The following CCDC91 variants were observed in gnomAD, a reference collection of about 807,000 sequenced individuals.
CCDC91 encodes the protein coiled-coil domain containing 91.
A neutral mutation model predicts 63.2 loss-of-function variants in CCDC91; 48 were observed. The ratio of observed to expected loss-of-function variants is 0.76; its 90% confidence interval spans 0.60 to 0.97. The LOEUF (loss-of-function observed/expected upper bound fraction) is 0.97, where lower values mean the gene tolerates loss of function less well. CCDC91 is among the 50% of genes least tolerant of loss of function. The probability of loss-of-function intolerance (pLI) is 0.00; values close to 1 mark genes in which losing one functional copy is unlikely to be tolerated. For missense variants in CCDC91, 500 were observed against 494.6 expected, an observed-to-expected ratio of 1.01 and a Z score of -0.10; for synonymous variants, 167 against 165.8, an observed-to-expected ratio of 1.01 and a Z score of -0.06.
intron 1 of CCDC91, among the ~76,000 whole-genome samples, chr12:28,205,894 C>T: frequency 6.6e-6 from 1 of 152,186 alleles, no homozygotes; most frequent in East Asian, 1.9e-4. Flanking sequence ...CCCTTTTGCT[C>T]ATTTTCTCAA....
Position 28,241,974 on chromosome 12 carries a change from C to T in CCDC91, c.-14-15228C>T, listed in dbSNP as rs1159356900. Among the ~76,000 whole-genome samples, 9 of 124,722 alleles carry T rather than the reference C, an allele frequency of 7.2e-5. 1 individual carries two copies. The highest frequency in any genetic ancestry group is 2.5e-4 in the South Asian group (1 of 3,976). 81.8% of individuals were successfully genotyped at this position (124,722 alleles called of 152,430 possible). ...TAGCGCCATTACACTCCAGCGTGGGCGACAGACCGAGACTCCTTCTCAAAA... is the reference window on the plus strand; with the variant it reads ...TAGCGCCATTACACTCCAGCGTGGGTGACAGACCGAGACTCCTTCTCAAAA... On this transcript the variant is annotated intron_variant, in intron 1 of 12. Coordinates refer to ENST00000536442, the MANE Select transcript of CCDC91 (RefSeq NM_018318.5).
chr12:28,456,647 A>G (rs1475787936), intron 11 of CCDC91, among the ~76,000 whole-genome samples: 1 of 152,184 alleles, frequency 6.6e-6, no homozygotes, highest in Non-Finnish European at 1.5e-5. Flanking sequence ...TGATTTTTAA[A>G]AAACAAATGA....
At chr12:28,430,519 AC>A (rs747135136) in intron 8 of CCDC91, among the ~76,000 whole-genome samples, 1 of 152,158 alleles carries the variant, frequency 6.6e-6, no homozygotes, top group Non-Finnish European at 1.5e-5. Context: ...GAAATTACAT[AC>A]TGTATATATT....
rs1947068841 is a variant in CCDC91, at chr12:28,264,626, G to T, written c.109+5184G>T. 8.7e-5 allele frequency among the ~76,000 whole-genome samples: 4 copies of T among 46,130 alleles called. No homozygotes were observed. The South Asian group carries it at 2.0e-3, about 23-fold the overall frequency. 30.3% of individuals were successfully genotyped at this position (46,130 alleles called of 152,430 possible). A position where few individuals can be genotyped will look rare whatever the true frequency, so the allele number is the denominator to read the frequency against. ...GTGTGTGTGTGTGTGTGTGTATTCT[G>T]ATTTCTTCCTTTTCCCCCTCCAATG... On this transcript the variant is annotated intron_variant, in intron 3 of 12. Transcript: ENST00000536442.
chr12:28,357,254 C>T (rs1165929481), intron 6 of CCDC91, among the ~76,000 whole-genome samples: 2 of 152,064 alleles, frequency 1.3e-5, no homozygotes, highest in Non-Finnish European at 2.9e-5. Flanking sequence ...GAATACTCAT[C>T]ATGTCCAGGC....
At chr12:28,262,083 G>A (rs552215815) in intron 3 of CCDC91, among the ~76,000 whole-genome samples, 1 of 152,096 alleles carries the variant, frequency 6.6e-6, no homozygotes, top group Admixed American at 6.6e-5. Context: ...AAGTTGTTTA[G>A]GTGAGTGTGA....
In CCDC91 at chr12:28,442,128, G is replaced by A. The variant is rs1453617896; in HGVS notation, c.763-8033G>A. Among the ~76,000 whole-genome samples the A allele has an allele frequency of 3.3e-5, 5 of 152,058 alleles. No homozygotes were observed. The East Asian group carries it at 9.6e-4, about 29-fold the overall frequency. Reference sequence around the variant, plus strand: ...ATGTTCAAAGCATTCTGCAGTAAATGTTTAAGTGTGAAAAGACCAACCACA... The same window carrying A: ...ATGTTCAAAGCATTCTGCAGTAAATATTTAAGTGTGAAAAGACCAACCACA... On this transcript the variant is annotated intron_variant, in intron 8 of 12. Coordinates refer to ENST00000536442, the MANE Select transcript of CCDC91 (RefSeq NM_018318.5).
At chr12:28,536,014 G>A (rs1161224796) in intron 12 of CCDC91, among the ~76,000 whole-genome samples, 4 of 149,762 alleles carry the variant, frequency 2.7e-5, no homozygotes, top group African/African-American at 9.9e-5. Context: ...GGGTGACAGG[G>A]CAAGACTCCA....
chr12:28,207,879 T>C (rs1391163082), intron 1 of CCDC91, among the ~76,000 whole-genome samples: 1 of 152,220 alleles, frequency 6.6e-6, no homozygotes, highest in Non-Finnish European at 1.5e-5. Context: ...ATTAGGTGCA[T>C]AGCACTGATA....
At chr12:28,268,646 A>G (rs1234016510) in intron 3 of CCDC91, 1 of 985,148 alleles carries the variant, frequency 1.0e-6, no homozygotes, top group African/African-American at 1.7e-5. Flanking sequence ...ACAGAGCTAT[A>G]TCCAGGACTG....
chr12:28,376,099 C>G (rs1351741836), intron 7 of CCDC91, among the ~76,000 whole-genome samples: 4 of 151,868 alleles, frequency 2.6e-5, no homozygotes, highest in Non-Finnish European at 4.4e-5. Flanking sequence ...AGGGGCTAGA[C>G]ATTTGTCGAG....
intron 3 of CCDC91, among the ~76,000 whole-genome samples, chr12:28,284,353 A>G (rs537229687): frequency 6.6e-6 from 1 of 152,138 alleles, no homozygotes; most frequent in East Asian, 1.9e-4. Context: ...ATGCATATCT[A>G]TAGAAATAGT....
intron 8 of CCDC91, among the ~76,000 whole-genome samples, chr12:28,404,499 C>T (rs1344919331): frequency 1.3e-5 from 2 of 152,020 alleles, no homozygotes; most frequent in African/African-American, 4.8e-5. Flanking sequence ...TATAGACTTC[C>T]TTTATATTGA....
chr12:28,545,529 TTCC>T (rs1942929063), intron 12 of CCDC91, among the ~76,000 whole-genome samples: 1 of 152,114 alleles, frequency 6.6e-6, no homozygotes, highest in Non-Finnish European at 1.5e-5. Flanking sequence ...AATCTCTGTT[TTCC>T]TCCTCATACA....
chr12:28,547,033 A>G (rs1943038410), intron 12 of CCDC91, among the ~76,000 whole-genome samples: 1 of 152,114 alleles, frequency 6.6e-6, no homozygotes, highest in Non-Finnish European at 1.5e-5. Context: ...GATAGGGAAA[A>G]CTTCCAGTAA....
At chr12:28,233,830 G>C (rs1032135319) in intron 1 of CCDC91, among the ~76,000 whole-genome samples, 3 of 151,952 alleles carry the variant, frequency 2.0e-5, no homozygotes, top group African/African-American at 7.2e-5. Flanking sequence ...TACTTTAACA[G>C]TGCTTTTGAA....
chr12:28,549,114 TC>T lies in CCDC91; in HGVS notation c.1269del (p.Cys424ValfsTer6). The T allele has an allele frequency of 1.9e-6, 3 of 1,612,992 alleles. No homozygotes were observed. Among genetic ancestry groups the T allele is most frequent in the Non-Finnish European group, 2.5e-6 (3 of 1,179,224 alleles). ...CCTGTCCAGTTTGGAACTGTTCCTC[TC>T]CTGTGCACAGAAACAGTTAAGTGCT... Reference protein sequence around the residue: ...RSLSSLELFLSCAQKQLSALI... With the variant: ...RSLSSLELFLXCAQKQLSALI... On this transcript the variant is annotated frameshift_variant, in exon 13 of 13. Transcript: ENST00000536442. LOFTEE classifies it high-confidence loss of function.
At position 28,307,677 on chromosome 12, in the gene CCDC91, C is replaced by T. The variant is rs1455520821; in HGVS notation, c.504C>T (p.Val168=). Residue 168 remains valine, a synonymous_variant, in exon 6 of 13, where the codon GTC becomes GTT. Coordinates refer to ENST00000536442, the MANE Select transcript of CCDC91 (RefSeq NM_018318.5). The part of the protein sequence containing the change: ...DVESLMEKHN[V]LEKGFLKEKE... ...AATCATTGATGGAAAAGCATAATGT[C>T]TTAGAAAAAGGCTTTCTAAAAGAAA... 2 of 1,581,608 alleles carry T rather than the reference C, an allele frequency of 1.3e-6. No individual in the cohort carries two copies. Among genetic ancestry groups the T allele is most frequent in the African/African-American group, 1.4e-5 (1 of 73,122 alleles).
At chr12:28,208,898 T>C (rs995883347) in intron 1 of CCDC91, among the ~76,000 whole-genome samples, 9 of 152,152 alleles carry the variant, frequency 5.9e-5, no homozygotes, top group Admixed American at 3.3e-4. Flanking sequence ...CCTCCCGGGT[T>C]CACGCCATTC....
Sources: allele counts gnomAD v4.1 joint callset (sites outside exome capture counted in the v4.1 genomes callset), GRCh38; gene constraint gnomAD v4.1.1; transcripts MANE v1.5; gene names NCBI Gene and HGNC (gene_info 2026-07-23, HGNC 2026-07-21).